The following FHIP2A variants were observed in gnomAD, a reference collection of about 807,000 sequenced individuals.
FHIP2A encodes the protein family with sequence similarity 160 member B1.
Under a neutral mutation model 93.5 loss-of-function variants are expected in FHIP2A, and 46 were observed. That is an observed-to-expected ratio of 0.49 (90% confidence interval 0.39 to 0.63). The LOEUF is 0.63. FHIP2A is among the 20% of genes least tolerant of loss of function. The probability of loss-of-function intolerance (pLI) is 0.00; values close to 1 mark genes in which losing one functional copy is unlikely to be tolerated. For missense variants in FHIP2A, 769 were observed against 909.7 expected, an observed-to-expected ratio of 0.85 and a Z score of 1.99; for synonymous variants, 332 against 326.5, an observed-to-expected ratio of 1.02 and a Z score of -0.18.
intron 14 of FHIP2A, among the ~76,000 whole-genome samples, chr10:114,856,088 G>A (rs2083765027): frequency 6.6e-6 from 1 of 152,170 alleles, no homozygotes; most frequent in Non-Finnish European, 1.5e-5. Context: ...ATTTTCAACT[G>A]TATGTTAAAG....
chr10:114,834,727 C>T (rs546713590), intron 3 of FHIP2A, among the ~76,000 whole-genome samples: 1 of 152,116 alleles, frequency 6.6e-6, no homozygotes, highest in East Asian at 1.9e-4. Flanking sequence ...ATTAAACATT[C>T]TTTGCCTATT....
intron 1 of FHIP2A, among the ~76,000 whole-genome samples, chr10:114,827,760 G>A (rs935369308): frequency 7.3e-6 from 1 of 137,228 alleles, no homozygotes; most frequent in Non-Finnish European, 1.5e-5. Context: ...TCACGCCACT[G>A]CACTCCAGCC....
At chr10:114,837,334 G>A (rs978919815) in intron 5 of FHIP2A, among the ~76,000 whole-genome samples, 1 of 152,128 alleles carries the variant, frequency 6.6e-6, no homozygotes, top group Non-Finnish European at 1.5e-5. Flanking sequence ...GACCAACATC[G>A]TGAAACCCCG....
chr10:114,848,604 T>A, intron 12 of FHIP2A, 43 bp from the exon 13 acceptor site: 2 of 1,125,340 alleles, frequency 1.8e-6, no homozygotes, highest in Non-Finnish European at 2.7e-6. Context: ...TTTTTTTTCA[T>A]GCAAATGGAC....
At chr10:114,841,122 A>ATACC (rs2083666051) in intron 5 of FHIP2A, among the ~76,000 whole-genome samples, 1 of 152,132 alleles carries the variant, frequency 6.6e-6, no homozygotes, top group Non-Finnish European at 1.5e-5. Flanking sequence ...GAAGACCAGG[A>ATACC]TACCAACAAT....
chr10:114,834,355 TA>T (rs1348986747), intron 3 of FHIP2A, among the ~76,000 whole-genome samples: 1 of 152,230 alleles, frequency 6.6e-6, no homozygotes, highest in African/African-American at 2.4e-5. Flanking sequence ...TTGTTAATAA[TA>T]AATTGATTAA....
At chr10:114,879,230 G>C (rs2083904845) in intron 16 of FHIP2A, among the ~76,000 whole-genome samples, 1 of 152,146 alleles carries the variant, frequency 6.6e-6, no homozygotes, top group African/African-American at 2.4e-5. Context: ...ACTGCATTGT[G>C]ATCTGATCTT....
At chr10:114,841,646 G>T (rs554775785) in intron 5 of FHIP2A, among the ~76,000 whole-genome samples, 18 of 152,252 alleles carry the variant, frequency 1.2e-4, no homozygotes, top group African/African-American at 4.1e-4. Context: ...GAGTCCCATA[G>T]AGTTGTTTGC....
At chr10:114,884,708 T>C (rs7918129) in intron 16 of FHIP2A, among the ~76,000 whole-genome samples, 60,868 of 151,224 alleles carry the variant, frequency 0.4, 12,337 homozygotes, top group South Asian at 0.46. Context: ...AGGTCAGGAG[T>C]TCGAGACCAG....
intron 16 of FHIP2A, among the ~76,000 whole-genome samples, chr10:114,880,418 G>A (rs1405017154): frequency 6.6e-6 from 1 of 152,166 alleles, no homozygotes. Flanking sequence ...AGGGGCTCAT[G>A]CCTGTAATCC....
intron 5 of FHIP2A, among the ~76,000 whole-genome samples, chr10:114,842,265 A>G (rs2083673219): frequency 6.6e-6 from 1 of 152,014 alleles, no homozygotes; most frequent in Non-Finnish European, 1.5e-5. Flanking sequence ...TGATCTCACT[A>G]TGTTGCCCCA....
rs896803085 is a variant in FHIP2A, at chr10:114,864,401, G to A, written c.*2861G>A. 2 of 985,510 alleles carry A rather than the reference G, an allele frequency of 2.0e-6. No individual in the cohort carries two copies. Among genetic ancestry groups the A allele is most frequent in the African/African-American group, 1.7e-5 (1 of 57,252 alleles). The allele number at this position is 985,510 out of a possible 1,614,324, so 61.0% of individuals were successfully genotyped here. A position where few individuals can be genotyped will look rare whatever the true frequency, so the allele number is the denominator to read the frequency against. On this transcript the variant is annotated 3_prime_UTR_variant, in exon 17 of 17. Coordinates refer to ENST00000369248, the MANE Select transcript of FHIP2A (RefSeq NM_020940.4). ...TGCATGTCATTGTGACACTTTATGT[G>A]TTAAAACATGGTAGATAATCACATT... is the stretch of plus-strand genomic sequence containing the variant.
At chr10:114,857,878 G>A (rs193119610) in intron 14 of FHIP2A, among the ~76,000 whole-genome samples, 2 of 152,192 alleles carry the variant, frequency 1.3e-5, no homozygotes, top group East Asian at 3.9e-4. Flanking sequence ...TAAAAAGATA[G>A]TAAAATACTA....
In FHIP2A at chr10:114,862,626, G is replaced by T. The variant is rs780876195; in HGVS notation, c.*1086G>T. On this transcript the variant is annotated 3_prime_UTR_variant, in exon 17 of 17. Transcript: ENST00000369248. Reference sequence around the variant, plus strand: ...GGGAAATTGGGTATGTATGTGAATGGGTGTACATGTAGGAACCTGTAGTTC... The same window carrying T: ...GGGAAATTGGGTATGTATGTGAATGTGTGTACATGTAGGAACCTGTAGTTC... The T allele has an allele frequency of 1.0e-6, 1 of 985,760 alleles. No individual in the cohort carries two copies. The highest frequency in any genetic ancestry group is 1.2e-6 in the Non-Finnish European group (1 of 830,094). 61.1% of individuals were successfully genotyped at this position (985,760 alleles called of 1,614,324 possible). A position where few individuals can be genotyped will look rare whatever the true frequency, so the allele number is the denominator to read the frequency against.
rs78396056 is a variant in FHIP2A at position 114,822,796 on chromosome 10, C to T, written c.45+673C>T. Among the ~76,000 whole-genome samples, 18 of 152,320 alleles carry T rather than the reference C, an allele frequency of 1.2e-4. No homozygotes were observed. The East Asian group carries it at 3.5e-3, about 29-fold the overall frequency. ...TGCTTTCGACAGCTTCCAAGCTCACCGAGCCCAGAGACCATCTGTTTCCTT... is the reference window on the plus strand; with the variant it reads ...TGCTTTCGACAGCTTCCAAGCTCACTGAGCCCAGAGACCATCTGTTTCCTT... On this transcript the variant is annotated intron_variant, in intron 1 of 16. Coordinates refer to ENST00000369248, the MANE Select transcript of FHIP2A (RefSeq NM_020940.4).
intron 16 of FHIP2A, among the ~76,000 whole-genome samples, chr10:114,876,754 G>T (rs1210927671): frequency 6.6e-6 from 1 of 152,060 alleles, no homozygotes; most frequent in East Asian, 1.9e-4. Context: ...GCTCAGCACG[G>T]CCCCCTGGTC....
At chr10:114,872,929 C>G (rs977286701) in intron 16 of FHIP2A, among the ~76,000 whole-genome samples, 4 of 152,218 alleles carry the variant, frequency 2.6e-5, no homozygotes, top group African/African-American at 7.2e-5. Flanking sequence ...AAACAGAAAC[C>G]ACACAAGGTA....
Position 114,845,383 on chromosome 10 carries a change from C to A in FHIP2A, c.1030C>A (p.His344Asn). The change falls in exon 8 of 17, where the codon CAT (histidine) becomes AAT (asparagine). Residue 344 changes from histidine (H) to asparagine (N), a missense_variant. Transcript: ENST00000369248. The stretch of plus-strand genomic sequence containing the variant: ...GTCTTACAGCTTGGACTCATATAGT[C>A]ATAAAGAAGATGCTTCAGCATTTCC... ...AINWGLDSYSHKEDASAFPGK... is the reference protein window; with the variant it reads ...AINWGLDSYSNKEDASAFPGK... The A allele has an allele frequency of 6.2e-7, 1 of 1,608,998 alleles. No homozygotes were observed. Among genetic ancestry groups the A allele is most frequent in the South Asian group, 1.1e-5 (1 of 90,934 alleles).
At chr10:114,865,009 G>A (rs912305633), downstream of FHIP2A, among the ~76,000 whole-genome samples, 1 of 125,048 alleles carries the variant, frequency 8.0e-6, no homozygotes, top group East Asian at 2.0e-4. Flanking sequence ...TTTTTTTGAG[G>A]CAGAGTCTCG....
Sources: allele counts gnomAD v4.1 joint callset (sites outside exome capture counted in the v4.1 genomes callset), GRCh38; gene constraint gnomAD v4.1.1; transcripts MANE v1.5; gene names NCBI Gene and HGNC (gene_info 2026-07-23, HGNC 2026-07-21).